RANBP2: variants seen among roughly 807,000 people sequenced by gnomAD.
The protein encoded by RANBP2 is RAN binding protein 2.
RANBP2 carries 57 observed loss-of-function variants against 303.6 expected under a neutral mutation model. The observed-to-expected ratio is 0.19, with a 90% CI of 0.15 to 0.23. The LOEUF (loss-of-function observed/expected upper bound fraction) is 0.23. Among genes scored for constraint, RANBP2 ranks in the 10% least tolerant of loss-of-function variants. The probability of loss-of-function intolerance (pLI) is 1.00; values close to 1 mark genes in which losing one functional copy is unlikely to be tolerated. For missense variants in RANBP2, 3,138 were observed against 3,780.8 expected, an observed-to-expected ratio of 0.83 and a Z score of 4.46; for synonymous variants, 1,167 against 1,301.5, an observed-to-expected ratio of 0.90 and a Z score of 2.23.
chr2:109,516,490 G>C, the RANBP2 span, among the ~76,000 whole-genome samples: 3 of 152,230 alleles, frequency 2.0e-5, no homozygotes, highest in Admixed American at 1.3e-4. Flanking sequence ...CAGTCTCCCA[G>C]GCTGTGGCCA....
intron 21 of RANBP2, among the ~76,000 whole-genome samples, 184 bp downstream of exon 21, chr2:108,772,055 TAAGC>T (rs1677541695): frequency 6.6e-6 from 1 of 152,198 alleles, no homozygotes; most frequent in Admixed American, 6.5e-5. Context: ...CTGCAATCAT[TAAGC>T]AAGCATTTTT....
the RANBP2 span, among the ~76,000 whole-genome samples, chr2:109,046,567 C>T: frequency 1.5e-4 from 23 of 151,810 alleles, no homozygotes; most frequent in South Asian, 4.2e-4. Flanking sequence ...CCACCACACC[C>T]GGCTAAATTT....
At chr2:108,809,217 A>C in the RANBP2 span, among the ~76,000 whole-genome samples, 3 of 152,128 alleles carry the variant, frequency 2.0e-5, no homozygotes, top group Admixed American at 2.0e-4. Context: ...TGGTTACTAC[A>C]GTTTTGTAGT....
At chr2:109,519,910 G>A in the RANBP2 span, among the ~76,000 whole-genome samples, 4,253 of 152,310 alleles carry the variant, frequency 0.028, 221 homozygotes, top group African/African-American at 0.097. Flanking sequence ...TGATAGCTGT[G>A]GCTGCAAAAG....
At chr2:109,384,038 C>G in the RANBP2 span, among the ~76,000 whole-genome samples, 1 of 152,218 alleles carries the variant, frequency 6.6e-6, no homozygotes, top group South Asian at 2.1e-4. Context: ...CTGCTTCCAT[C>G]AGAGGACCAC....
the RANBP2 span, among the ~76,000 whole-genome samples, chr2:109,109,994 A>C: frequency 1.3e-5 from 2 of 152,096 alleles, no homozygotes; most frequent in African/African-American, 4.8e-5. Flanking sequence ...ATAGGAGACA[A>C]TCACTTCTGG....
At chr2:109,538,175 A>C in the RANBP2 span, among the ~76,000 whole-genome samples, 1 of 151,826 alleles carries the variant, frequency 6.6e-6, no homozygotes, top group Admixed American at 6.6e-5. Context: ...CCCTTCCTCC[A>C]CCCTCCAAGC....
chr2:109,496,433 C>G, the RANBP2 span, among the ~76,000 whole-genome samples: 56 of 152,314 alleles, frequency 3.7e-4, no homozygotes, highest in African/African-American at 1.3e-3. Flanking sequence ...GAAAAGTTCT[C>G]CAAGTCCCCA....
At chr2:109,477,810 C>T in the RANBP2 span, among the ~76,000 whole-genome samples, 4 of 152,184 alleles carry the variant, frequency 2.6e-5, no homozygotes, top group Admixed American at 1.3e-4. Context: ...GGAGCTCTCA[C>T]GACCCGATCA....
chr2:108,883,078 GTATTT>G, the RANBP2 span: 3 of 152,304 alleles, frequency 2.0e-5, no homozygotes, highest in Non-Finnish European at 2.9e-5. Flanking sequence ...ATTTTCCACT[GTATTT>G]CATTTCAACC....
At chr2:109,558,280 C>CTAT in the RANBP2 span, among the ~76,000 whole-genome samples, 1 of 152,136 alleles carries the variant, frequency 6.6e-6, no homozygotes, top group South Asian at 2.1e-4. Flanking sequence ...TTTTCCAAGT[C>CTAT]TACTATAGAC....
the RANBP2 span, among the ~76,000 whole-genome samples, chr2:109,722,412 CA>C: frequency 1.6e-4 from 24 of 152,212 alleles, no homozygotes; most frequent in Non-Finnish European, 3.4e-4. Context: ...TAGTGTTTGT[CA>C]AACCCTCTCC....
At chr2:109,739,778 G>GT in the RANBP2 span, among the ~76,000 whole-genome samples, 1 of 151,648 alleles carries the variant, frequency 6.6e-6, no homozygotes, top group African/African-American at 2.4e-5. Flanking sequence ...TGGTAAAACT[G>GT]GGCATCCTTG....
At chr2:109,112,235 T>G in the RANBP2 span, among the ~76,000 whole-genome samples, 1 of 152,134 alleles carries the variant, frequency 6.6e-6, no homozygotes, top group Non-Finnish European at 1.5e-5. Context: ...TTGAACTAGT[T>G]GACAGTCCCA....
the RANBP2 span, among the ~76,000 whole-genome samples, chr2:109,560,040 C>A: frequency 0.02 from 3,002 of 151,684 alleles, 58 homozygotes; most frequent in Non-Finnish European, 0.026. Context: ...CCTGCCTCAG[C>A]CTCCCAAGTA....
chr2:108,924,773 A>G, the RANBP2 span, among the ~76,000 whole-genome samples: 1 of 152,224 alleles, frequency 6.6e-6, no homozygotes, highest in Non-Finnish European at 1.5e-5. Context: ...AGAAGCCACG[A>G]CAGCCAGTTT....
At chr2:109,407,166 A>G in the RANBP2 span, among the ~76,000 whole-genome samples, 5 of 145,830 alleles carry the variant, frequency 3.4e-5, no homozygotes, top group African/African-American at 9.7e-5. Context: ...TCCAGCCAGG[A>G]CCAGCACCTT....
chr2:108,978,420 CGT>C, the RANBP2 span, among the ~76,000 whole-genome samples: 32 of 152,210 alleles, frequency 2.1e-4, no homozygotes, highest in Non-Finnish European at 4.6e-4. Flanking sequence ...GTCGACTCTG[CGT>C]GTCTTTGCTA....
the RANBP2 span, among the ~76,000 whole-genome samples, chr2:109,178,246 G>C: frequency 4.6e-4 from 70 of 152,166 alleles, no homozygotes; most frequent in Non-Finnish European, 7.8e-4. Context: ...TAAATTTCAG[G>C]AACTTAGTTG....
Sources: gnomAD v4.1 joint callset for allele counts (sites outside exome capture counted in the v4.1 genomes callset) on GRCh38, gnomAD v4.1.1 for gene constraint, MANE v1.5 for transcripts, NCBI Gene and HGNC (gene_info 2026-07-23, HGNC 2026-07-21) for gene names.